The following RPS6KC1 variants were observed in gnomAD, a reference collection of about 807,000 sequenced individuals.
RPS6KC1 encodes the protein ribosomal protein S6 kinase C1.
Under a neutral mutation model 103.8 loss-of-function variants are expected in RPS6KC1, and 54 were observed. The ratio of observed to expected loss-of-function variants is 0.52; its 90% confidence interval spans 0.42 to 0.65. RPS6KC1 has a LOEUF of 0.65. Ranked by LOEUF, RPS6KC1 falls within the 30% of genes least tolerant of loss-of-function variation. RPS6KC1 has a pLI of 0.00. For synonymous variants in RPS6KC1, 439 were observed against 438.7 expected, an observed-to-expected ratio of 1.00 and a Z score of -0.01; for missense variants, 1,151 against 1,253.8, an observed-to-expected ratio of 0.92 and a Z score of 1.24.
chr1:213,525,114 T>C, the RPS6KC1 span, among the ~76,000 whole-genome samples: 1 of 152,176 alleles, frequency 6.6e-6, no homozygotes, highest in Non-Finnish European at 1.5e-5. Flanking sequence ...CTCTGGCTGC[T>C]ATGAGGGCAA....
the RPS6KC1 span, among the ~76,000 whole-genome samples, chr1:213,491,091 TGTG>T: frequency 6.6e-6 from 1 of 152,162 alleles, no homozygotes; most frequent in Non-Finnish European, 1.5e-5. Context: ...CTACCAGGCC[TGTG>T]GTGGTTAGGC....
chr1:213,124,993 T>C (rs2084813609), intron 5 of RPS6KC1, among the ~76,000 whole-genome samples: 3 of 152,168 alleles, frequency 2.0e-5, no homozygotes, highest in African/African-American at 7.2e-5. Flanking sequence ...AGCTGCTGGT[T>C]GATCCATAGA....
At chr1:213,288,185 AC>A in the RPS6KC1 span, among the ~76,000 whole-genome samples, 7 of 152,350 alleles carry the variant, frequency 4.6e-5, no homozygotes, top group South Asian at 1.5e-3. Context: ...AACCGTGTCA[AC>A]ATTGCGCAAT....
the RPS6KC1 span, among the ~76,000 whole-genome samples, chr1:213,801,132 G>C: frequency 4.0e-4 from 61 of 152,222 alleles, 1 homozygote; most frequent in South Asian, 0.012. Flanking sequence ...TTCTCTGTTG[G>C]AGTTGCTGTC....
At chr1:213,109,286 G>A (rs2082784139) in intron 4 of RPS6KC1, among the ~76,000 whole-genome samples, 1 of 151,968 alleles carries the variant, frequency 6.6e-6, no homozygotes. Flanking sequence ...ACAGGCGCCC[G>A]CCAGCACGCC....
chr1:213,590,971 C>A, the RPS6KC1 span, among the ~76,000 whole-genome samples: 3 of 152,148 alleles, frequency 2.0e-5, no homozygotes, highest in African/African-American at 7.2e-5. Flanking sequence ...CCCCCACCAC[C>A]GCAGCTAGTC....
the RPS6KC1 span, among the ~76,000 whole-genome samples, chr1:213,713,724 A>T: frequency 2.0e-5 from 3 of 152,096 alleles, no homozygotes; most frequent in Admixed American, 6.6e-5. Flanking sequence ...TTATGTGAGA[A>T]TTTTTTTCTT....
At chr1:213,604,357 C>T in the RPS6KC1 span, among the ~76,000 whole-genome samples, 5 of 152,352 alleles carry the variant, frequency 3.3e-5, no homozygotes, top group East Asian at 9.6e-4. Context: ...CACAGTATTC[C>T]TCAGTGCAGT....
At chr1:213,243,477 A>G (rs780440314) in intron 12 of RPS6KC1, among the ~76,000 whole-genome samples, 3 of 152,214 alleles carry the variant, frequency 2.0e-5, no homozygotes, top group Non-Finnish European at 2.9e-5. Flanking sequence ...CTGGCATTTT[A>G]TAACAAATTT....
chr1:213,288,191 C>T, the RPS6KC1 span, among the ~76,000 whole-genome samples: 17 of 152,182 alleles, frequency 1.1e-4, no homozygotes, highest in Non-Finnish European at 1.5e-4. Context: ...GTCAACATTG[C>T]GCAATGCACA....
At chr1:213,845,044 C>T in the RPS6KC1 span, among the ~76,000 whole-genome samples, 1 of 151,762 alleles carries the variant, frequency 6.6e-6, no homozygotes, top group African/African-American at 2.4e-5. Flanking sequence ...GCACTTCAAC[C>T]CCCACCCCAC....
the RPS6KC1 span, among the ~76,000 whole-genome samples, chr1:213,328,504 C>CTACATATATA: frequency 2.3e-4 from 23 of 101,446 alleles, no homozygotes; most frequent in East Asian, 4.1e-4. Context: ...AGCCATTATA[C>CTACATATATA]TATATATATA....
the RPS6KC1 span, among the ~76,000 whole-genome samples, chr1:213,313,970 A>G: frequency 6.6e-6 from 1 of 152,060 alleles, no homozygotes; most frequent in African/African-American, 2.4e-5. Context: ...AAAAAAAAGA[A>G]TAACAGAAAC....
chr1:213,275,628 A>G (rs543171405), downstream of RPS6KC1, among the ~76,000 whole-genome samples: 12 of 152,288 alleles, frequency 7.9e-5, no homozygotes, highest in East Asian at 1.9e-4. Flanking sequence ...ATGGGGTACA[A>G]TGCGATATTT....
At chr1:213,690,458 A>T in the RPS6KC1 span, among the ~76,000 whole-genome samples, 6 of 152,174 alleles carry the variant, frequency 3.9e-5, no homozygotes, top group African/African-American at 1.4e-4. Flanking sequence ...GTTACCAGGC[A>T]TATGGCTGCT....
the RPS6KC1 span, among the ~76,000 whole-genome samples, chr1:213,756,172 C>A: frequency 8.2e-3 from 1,256 of 152,344 alleles, 16 homozygotes; most frequent in African/African-American, 0.029. Context: ...TATCCCTCCT[C>A]CTGATGTCAT....
At chr1:213,071,191 G>C (rs964229694) in intron 2 of RPS6KC1, 150 bp downstream of exon 2, 2 of 485,930 alleles carry the variant, frequency 4.1e-6, no homozygotes, top group Non-Finnish European at 7.4e-6. Flanking sequence ...GTGCAGTGGC[G>C]CAATCTCGGC....
At chr1:213,227,294 C>T (rs970570486) in intron 8 of RPS6KC1, among the ~76,000 whole-genome samples, 4 of 152,116 alleles carry the variant, frequency 2.6e-5, no homozygotes, top group African/African-American at 9.7e-5. Flanking sequence ...CGTCATCTAC[C>T]TTACAAACTT....
At chr1:213,569,482 T>G in the RPS6KC1 span, among the ~76,000 whole-genome samples, 4 of 152,336 alleles carry the variant, frequency 2.6e-5, no homozygotes, top group African/African-American at 9.6e-5. Flanking sequence ...CTGAAACAGC[T>G]GCATCCAGAA....
Sources: allele counts gnomAD v4.1 joint callset (sites outside exome capture counted in the v4.1 genomes callset), GRCh38; gene constraint gnomAD v4.1.1; transcripts MANE v1.5; gene names NCBI Gene and HGNC (gene_info 2026-07-23, HGNC 2026-07-21).